Variants in KCNH3 observed in about 807,000 individuals in gnomAD.
KCNH3 encodes the protein voltage-gated inwardly rectifying potassium channel KCNH3.
Under a neutral mutation model 95.6 loss-of-function variants are expected in KCNH3, and 36 were observed. The ratio of observed to expected loss-of-function variants is 0.38; its 90% confidence interval spans 0.29 to 0.50. The LOEUF (loss-of-function observed/expected upper bound fraction) is 0.50, where lower values mean the gene tolerates loss of function less well. KCNH3 is among the 20% of genes least tolerant of loss of function. The pLI is 0.95. For missense variants in KCNH3, 1,030 were observed against 1,484.1 expected, an observed-to-expected ratio of 0.69 and a Z score of 5.03; for synonymous variants, 620 against 646.3, an observed-to-expected ratio of 0.96 and a Z score of 0.62.
intron 8 of KCNH3, 94 bp downstream of exon 8, chr12:49,549,267 G>T (rs1009796377): frequency 2.0e-6 from 3 of 1,479,822 alleles, no homozygotes; most frequent in African/African-American, 2.8e-5. Flanking sequence ...GAGGCCGGGG[G>T]CTCTTCCGCT....
At chr12:49,546,711 T>C (rs971469520) in intron 7 of KCNH3, among the ~76,000 whole-genome samples, 3 of 152,138 alleles carry the variant, frequency 2.0e-5, no homozygotes, top group Non-Finnish European at 2.9e-5. Context: ...GGCACAATCC[T>C]GGCCCCAGCT....
intron 14 of KCNH3, 33 bp from the exon 15 acceptor site, chr12:49,557,321 C>A: frequency 1.2e-6 from 2 of 1,612,594 alleles, no homozygotes; most frequent in Non-Finnish European, 1.7e-6. Flanking sequence ...ATGGCTGACT[C>A]CATTCTGACC....
intron 10 of KCNH3, 127 bp downstream of exon 10, chr12:49,550,456 G>T: frequency 8.1e-7 from 1 of 1,232,712 alleles, no homozygotes; most frequent in Non-Finnish European, 1.1e-6. Context: ...GTGGAGTCAG[G>T]AGTAGTTATG....
chr12:49,549,706 T>A, intron 9 of KCNH3, 66 bp downstream of exon 9: 1 of 1,444,756 alleles, frequency 6.9e-7, no homozygotes, highest in Non-Finnish European at 9.4e-7. Flanking sequence ...AGCCTAGAAT[T>A]ATCAGGAGTG....
intron 10 of KCNH3, among the ~76,000 whole-genome samples, chr12:49,551,245 T>C (rs1938247157): frequency 1.3e-5 from 2 of 152,024 alleles, no homozygotes; most frequent in Non-Finnish European, 2.9e-5. Context: ...GGGAGCACAT[T>C]CTAACTCTCA....
intron 7 of KCNH3, among the ~76,000 whole-genome samples, chr12:49,547,318 C>A (rs1565777294): frequency 6.6e-6 from 1 of 152,210 alleles, no homozygotes; most frequent in Non-Finnish European, 1.5e-5. Flanking sequence ...AGTGTTAACC[C>A]CACATTCTAG....
Position 49,554,384 on chromosome 12 carries a change from G to T in KCNH3, c.1966G>T (p.Val656Leu), listed in dbSNP as rs765397829. 9 of 1,613,308 alleles carry T rather than the reference G, an allele frequency of 5.6e-6. No individual in the cohort carries two copies. In the South Asian group the frequency reaches 9.9e-5, roughly 18 times the overall value. The change falls in exon 11 of 15, where the codon GTA (valine) becomes TTA (leucine). Residue 656 changes from valine to leucine, a missense_variant. Physicochemically the swap from Val to Leu is conservative, Grantham distance 32 (BLOSUM62 1). Coordinates refer to ENST00000257981, the MANE Select transcript of KCNH3 (RefSeq NM_012284.3). ...GCELPRREQVVKANADVKGLT... is the reference protein window; with the variant it reads ...GCELPRREQVLKANADVKGLT... ...TGAGCTGCCCCGGCGGGAGCAGGTG[G>T]TAAAGGCCAATGCCGACGTGAAGGG... is the stretch of plus-strand genomic sequence containing the variant.
In KCNH3 at chr12:49,550,454, A is replaced by T. The variant is rs1009619054; in HGVS notation, c.1918+125A>T. The T allele has an allele frequency of 2.1e-5, 26 of 1,261,996 alleles. No homozygotes were observed. The African/African-American group carries it at 3.4e-4, about 17-fold the overall frequency. The allele number at this position is 1,261,996 out of a possible 1,614,324, so 78.2% of individuals were successfully genotyped here. A position where few individuals can be genotyped will look rare whatever the true frequency, so the allele number is the denominator to read the frequency against. On this transcript the variant is annotated intron_variant, in intron 10 of 14. Coordinates refer to ENST00000257981, the MANE Select transcript of KCNH3 (RefSeq NM_012284.3). The stretch of plus-strand genomic sequence containing the variant: ...AGAGAGAAACAGCCAGGGTGGAGTC[A>T]GGAGTAGTTATGGAGTCCTGGTCAA...
chr12:49,556,604 C>A, intron 13 of KCNH3, 128 bp downstream of exon 13: 1 of 751,424 alleles, frequency 1.3e-6, no homozygotes, highest in East Asian at 2.7e-5. Flanking sequence ...CGTCTCACCC[C>A]ACTACCCCTT....
chr12:49,544,101 T>C (rs935078497), intron 6 of KCNH3, 29 bp downstream of exon 6: 4 of 1,603,480 alleles, frequency 2.5e-6, no homozygotes, highest in Admixed American at 1.7e-5. Context: ...GCTGGGTGGG[T>C]GGGCTTGGCC....
Position 49,539,920 on chromosome 12 carries a change from C to T in KCNH3, c.76+428C>T, listed in dbSNP as rs1249445611. ...CAGATTTAGAAAAGAGATTTGCAAA[C>T]GGAGATAAGAGTAGGCGGCACTCGG... On this transcript the variant is annotated intron_variant, in intron 1 of 14. Transcript: ENST00000257981. The surrounding 1 kb of genome is among the most constrained non-coding windows in gnomAD (Gnocchi z 6.7). 6.6e-6 allele frequency among the ~76,000 whole-genome samples: 1 copy of T among 152,146 alleles called. No individual in the cohort carries two copies. The highest frequency in any genetic ancestry group is 2.4e-5 in the African/African-American group (1 of 41,424).
At chr12:49,556,740 C>G (rs1385713436) in intron 13 of KCNH3, 1 of 684,690 alleles carries the variant, frequency 1.5e-6, no homozygotes, top group Non-Finnish European at 2.7e-6. Context: ...TCTCTGGCCC[C>G]AGCTTCCTGT....
In KCNH3 at chr12:49,549,644, C is replaced by T. The variant is rs1486528394; in HGVS notation, c.1668+4C>T. 3 of 1,605,740 alleles carry T rather than the reference C, an allele frequency of 1.9e-6. No homozygotes were observed. Among genetic ancestry groups the T allele is most frequent in the Non-Finnish European group, 1.7e-6 (2 of 1,179,172 alleles). ...CAATGGCATCGACACCACCGAGGTG[C>T]GGCCTCCGGGGCTGGGCCTGCTAGC... On this transcript the variant is annotated splice_donor_region_variant and intron_variant, in intron 9 of 14. Transcript: ENST00000257981.
In KCNH3 at chr12:49,557,278, G is replaced by A. The variant is rs1359917285; in HGVS notation, c.2652+19G>A. On this transcript the variant is annotated intron_variant, in intron 14 of 14. Transcript: ENST00000257981. Reference sequence around the variant, plus strand: ...GCAGGCGGTGGGTGAGGGGGAAGGTGGAGGTGAGGGGGGCACCAGGGGAAG... The same window carrying A: ...GCAGGCGGTGGGTGAGGGGGAAGGTAGAGGTGAGGGGGGCACCAGGGGAAG... 1.5e-5 allele frequency: 25 copies of A among 1,613,782 alleles called. No homozygotes were observed. Among genetic ancestry groups the A allele is most frequent in the African/African-American group, 2.7e-5 (2 of 74,888 alleles).
At chr12:49,544,978 G>A (rs1387713002) in intron 7 of KCNH3, among the ~76,000 whole-genome samples, 1 of 151,976 alleles carries the variant, frequency 6.6e-6, no homozygotes. Flanking sequence ...CTCCTGCTGG[G>A]AGGGCTTCCA....
chr12:49,552,680 G>T (rs1938303014), intron 10 of KCNH3, among the ~76,000 whole-genome samples: 1 of 152,238 alleles, frequency 6.6e-6, no homozygotes, highest in South Asian at 2.1e-4. Flanking sequence ...GAAGTAGTTT[G>T]ATGAGCTGCA....
chr12:49,541,180 G>C, intron 2 of KCNH3, 48 bp downstream of exon 2: 1 of 1,405,656 alleles, frequency 7.1e-7, no homozygotes, highest in Non-Finnish European at 9.8e-7. Flanking sequence ...GTCTCACCCA[G>C]CCTGGCACCA....
chr12:49,554,307 G>A (rs771460467), intron 10 of KCNH3, 30 bp from the exon 11 acceptor site: 137 of 1,581,986 alleles, frequency 8.7e-5, no homozygotes, highest in Middle Eastern at 8.6e-4. Flanking sequence ...AAGCTCTCAG[G>A]GCTTGCTGAC....
At chr12:49,545,124 C>T (rs1295323257) in intron 7 of KCNH3, among the ~76,000 whole-genome samples, 2 of 152,158 alleles carry the variant, frequency 1.3e-5, no homozygotes, top group Non-Finnish European at 2.9e-5. Context: ...TGATGCAGCC[C>T]TCAGCTGGCC....
Sources: gnomAD v4.1 joint callset for allele counts (sites outside exome capture counted in the v4.1 genomes callset) on GRCh38, gnomAD v4.1.1 for gene constraint, Gnocchi (gnomAD v3.1) non-coding constraint, MANE v1.5 for transcripts, NCBI Gene and HGNC (gene_info 2026-07-23, HGNC 2026-07-21) for gene names.